The following KALRN variants were observed in gnomAD, a reference collection of about 807,000 sequenced individuals.
The protein encoded by KALRN is kalirin.
KALRN carries 70 observed loss-of-function variants against 353.7 expected under a neutral mutation model. The ratio of observed to expected loss-of-function variants is 0.20; its 90% confidence interval spans 0.16 to 0.24. The LOEUF is 0.24. Among genes scored for constraint, KALRN ranks in the 10% least tolerant of loss-of-function variants. The probability of loss-of-function intolerance (pLI) is 1.00; values close to 1 mark genes in which losing one functional copy is unlikely to be tolerated. For missense variants in KALRN, 2,791 were observed against 3,756.7 expected, an observed-to-expected ratio of 0.74 and a Z score of 6.72; for synonymous variants, 1,391 against 1,434.8, an observed-to-expected ratio of 0.97 and a Z score of 0.69.
chr3:124,417,339 G>T (rs549599250), intron 14 of KALRN, among the ~76,000 whole-genome samples: 1 of 152,118 alleles, frequency 6.6e-6, no homozygotes, highest in African/African-American at 2.4e-5. Flanking sequence ...CTCACTTTCC[G>T]TAATTCAGCC....
chr3:124,649,895 G>A (rs763052488), intron 37 of KALRN, among the ~76,000 whole-genome samples: 5 of 150,236 alleles, frequency 3.3e-5, no homozygotes, highest in Admixed American at 1.3e-4. Context: ...AGACTGAAGC[G>A]GGAAGATCAC....
chr3:124,697,676 A>C lies in KALRN; in HGVS notation c.7783A>C (p.Thr2595Pro). ...VILRWLPPSSTGNCTISGYTV... is the reference protein window; with the variant it reads ...VILRWLPPSSPGNCTISGYTV... Reference sequence around the variant, plus strand: ...TCTCCGCTGGCTGCCCCCCTCCAGCACAGGAAACTGCACTATTTCTGGTTA... The same window carrying C: ...TCTCCGCTGGCTGCCCCCCTCCAGCCCAGGAAACTGCACTATTTCTGGTTA... The change falls in exon 55 of 60, where the codon ACA (threonine) becomes CCA (proline). Residue 2595 changes from threonine (T) to proline (P), a missense_variant. By Grantham distance (38) the Thr-to-Pro change is conservative. Coordinates refer to ENST00000682506, the MANE Select transcript of KALRN (RefSeq NM_001388419.1). 6.2e-7 allele frequency: 1 copy of C among 1,603,164 alleles called. No individual in the cohort carries two copies. The highest frequency in any genetic ancestry group is 8.5e-7 in the Non-Finnish European group (1 of 1,174,478).
At chr3:124,058,624 T>G (rs1434657009) in intron 1 of KALRN, among the ~76,000 whole-genome samples, 4 of 152,230 alleles carry the variant, frequency 2.6e-5, no homozygotes. Context: ...TATCTGTGGC[T>G]TGGCTCAGCA....
intron 3 of KALRN, among the ~76,000 whole-genome samples, chr3:124,238,445 T>C (rs1449696369): frequency 6.6e-6 from 1 of 152,176 alleles, no homozygotes; most frequent in Non-Finnish European, 1.5e-5. Flanking sequence ...CTGTTAGGGA[T>C]GCTGTAGAAA....
chr3:124,241,644 A>G (rs1017575204), intron 3 of KALRN, among the ~76,000 whole-genome samples: 3 of 152,236 alleles, frequency 2.0e-5, no homozygotes, highest in Non-Finnish European at 4.4e-5. Context: ...TACACAGTAG[A>G]TTCCATAAAC....
chr3:124,325,330 C>G (rs1317329794), intron 6 of KALRN, among the ~76,000 whole-genome samples: 1 of 152,134 alleles, frequency 6.6e-6, no homozygotes, highest in Non-Finnish European at 1.5e-5. Flanking sequence ...AAGGGCTTCA[C>G]AGACCTTATT....
chr3:124,241,670 C>T (rs1298834929), intron 3 of KALRN, among the ~76,000 whole-genome samples: 1 of 152,122 alleles, frequency 6.6e-6, no homozygotes, highest in Non-Finnish European at 1.5e-5. Flanking sequence ...GTTGCGTCTC[C>T]TTCTATGGTC....
intron 33 of KALRN, among the ~76,000 whole-genome samples, chr3:124,539,620 C>G (rs1453701174): frequency 1.3e-5 from 2 of 152,032 alleles, no homozygotes; most frequent in Non-Finnish European, 2.9e-5. Context: ...ACTATGACCA[C>G]TGGTGTTTTT....
intron 36 of KALRN, among the ~76,000 whole-genome samples, chr3:124,636,880 G>C (rs376911794): frequency 2.0e-5 from 3 of 152,246 alleles, no homozygotes; most frequent in Non-Finnish European, 2.9e-5. Context: ...AGTAGCCCCC[G>C]CCCTCCAAGC....
At chr3:124,227,955 C>T in intron 1 of KALRN, 35 bp from the exon 2 acceptor site, 1 of 1,579,272 alleles carries the variant, frequency 6.3e-7, no homozygotes, top group Non-Finnish European at 8.7e-7. Context: ...GCTGGCTCCT[C>T]TCACCCTGAT....
intron 37 of KALRN, among the ~76,000 whole-genome samples, chr3:124,640,644 G>C (rs1029464381): frequency 6.6e-6 from 1 of 152,124 alleles, no homozygotes; most frequent in East Asian, 1.9e-4. Flanking sequence ...ACAAACTGGA[G>C]GGGCCCAGAG....
At chr3:124,059,527 G>A (rs2041833285) in intron 1 of KALRN, among the ~76,000 whole-genome samples, 1 of 151,922 alleles carries the variant, frequency 6.6e-6, no homozygotes, top group Non-Finnish European at 1.5e-5. Context: ...CTTAAATTTT[G>A]TATTCTTTGA....
chr3:124,141,282 A>G (rs918894124), intron 1 of KALRN, among the ~76,000 whole-genome samples: 2 of 152,136 alleles, frequency 1.3e-5, no homozygotes, highest in Admixed American at 6.5e-5. Context: ...GATGGTTTTC[A>G]TAGCCCTGGT....
intron 53 of KALRN, among the ~76,000 whole-genome samples, chr3:124,695,392 A>G (rs1165387633): frequency 6.6e-6 from 1 of 152,202 alleles, no homozygotes; most frequent in South Asian, 2.1e-4. Context: ...TATGGGAAAA[A>G]GAAGAAGACC....
chr3:124,084,663 C>T (rs765456223), intron 1 of KALRN, among the ~76,000 whole-genome samples: 7 of 152,192 alleles, frequency 4.6e-5, no homozygotes, highest in Non-Finnish European at 8.8e-5. Context: ...AGTTACAACA[C>T]GTGAAGTTCT....
At chr3:124,618,724 C>T (rs1243751087) in intron 34 of KALRN, among the ~76,000 whole-genome samples, 3 of 152,140 alleles carry the variant, frequency 2.0e-5, no homozygotes, top group Admixed American at 2.0e-4. Context: ...TTGGGCTTAC[C>T]TGCCAGATAT....
At chr3:124,458,275 CAAAAAA>C (rs35854921) in intron 23 of KALRN, among the ~76,000 whole-genome samples, 1 of 83,138 alleles carries the variant, frequency 1.2e-5, no homozygotes, top group African/African-American at 5.0e-5. Flanking sequence ...GACTCTGTCT[CAAAAAA>C]AAAAAAAAAA....
At chr3:124,530,229 T>C (rs16835554) in intron 33 of KALRN, among the ~76,000 whole-genome samples, 11,464 of 152,236 alleles carry the variant, frequency 0.075, 485 homozygotes, top group Middle Eastern at 0.1. Context: ...AAGAATCATA[T>C]AGTCCATTTG....
intron 32 of KALRN, among the ~76,000 whole-genome samples, chr3:124,494,576 TG>T: frequency 6.6e-6 from 1 of 152,266 alleles, no homozygotes; most frequent in Non-Finnish European, 1.5e-5. Flanking sequence ...TTCCTATGAA[TG>T]TGTGGCTTAT....
Sources: gnomAD v4.1 joint callset for allele counts (sites outside exome capture counted in the v4.1 genomes callset) on GRCh38, gnomAD v4.1.1 for gene constraint, MANE v1.5 for transcripts, NCBI Gene and HGNC (gene_info 2026-07-23, HGNC 2026-07-21) for gene names.